Variants in VWA5B1 observed in about 807,000 individuals in gnomAD.
VWA5B1 encodes von Willebrand factor A domain-containing protein 5B1.
In VWA5B1, 115 loss-of-function variants were observed where a neutral mutation model predicts 118.2. The observed-to-expected ratio is 0.97, with a 90% CI of 0.84 to 1.14. The LOEUF (loss-of-function observed/expected upper bound fraction) is 1.14, where lower values mean the gene tolerates loss of function less well. Ranked by LOEUF, VWA5B1 falls within the 50% of genes most tolerant of loss-of-function variation. The pLI is 0.00. For missense variants in VWA5B1, 1,596 were observed against 1,603.8 expected (o/e 1.00, Z 0.08); for synonymous variants, 682 against 658.4 (o/e 1.04, Z -0.55).
At position 20,330,909 on chromosome 1, in the gene VWA5B1, C is replaced by T. The variant is rs1280352592; in HGVS notation, c.1498C>T (p.Leu500=). The change falls in exon 11 of 22, where the codon CTG becomes TTG. Residue 500 remains leucine (L), a synonymous_variant. Transcript: ENST00000289815. ...FGIGPNVCHR[L]VKGLASVSEG... is the part of the protein sequence containing the mutation. ...AATTGGACCCAACGTCTGCCACAGA[C>T]TGGTGAAAGGACTGGCATCTGTGTC... The T allele has an allele frequency of 5.2e-6, 8 of 1,551,618 alleles. No individual in the cohort carries two copies. Among genetic ancestry groups the T allele is most frequent in the Non-Finnish European group, 7.0e-6 (8 of 1,146,994 alleles).
In VWA5B1 at chr1:20,321,314, C is replaced by T. The variant is rs768499032; in HGVS notation, c.966+1808C>T. On this transcript the variant is annotated intron_variant, in intron 7 of 21. Transcript: ENST00000289815. ...GAAGAAAAGCAAATCAGGCCGGGCG[C>T]GGTGGCTTACCCCTGCAATCGCAGC... Among the ~76,000 whole-genome samples, 4 of 152,102 alleles carry T rather than the reference C, an allele frequency of 2.6e-5. No individual in the cohort carries two copies. In the East Asian group the frequency reaches 5.8e-4, roughly 22 times the overall value.
chr1:20,347,451 T>C (rs577125031), intron 17 of VWA5B1, among the ~76,000 whole-genome samples: 3 of 151,926 alleles, frequency 2.0e-5, no homozygotes, highest in Admixed American at 2.0e-4. Flanking sequence ...CTTCTTTTTT[T>C]TTTTCTTTGA....
rs1201448339 is a variant in VWA5B1 at position 20,357,772 on chromosome 1, G to GTAT, written c.*3512_*3514dup. On this transcript the variant is annotated 3_prime_UTR_variant, in exon 22 of 22. Transcript: ENST00000289815. ...TCCTGCCATCTGTGGGTGTGGCCTC[G>GTAT]TATTAGCACTACCTAGGTACCCTTT... is the stretch of plus-strand genomic sequence containing the variant. Among the ~76,000 whole-genome samples, 1 of 152,182 alleles carries GTAT rather than the reference G, an allele frequency of 6.6e-6. No homozygotes were observed. The highest frequency in any genetic ancestry group is 2.4e-5 in the African/African-American group (1 of 41,446).
intron 21 of VWA5B1, among the ~76,000 whole-genome samples, chr1:20,352,560 TC>T (rs1468889135): frequency 6.6e-6 from 1 of 152,148 alleles, no homozygotes; most frequent in African/African-American, 2.4e-5. Context: ...AAAATTAACA[TC>T]CCAGGGACAT....
At chr1:20,307,861 G>T (rs974351975) in intron 1 of VWA5B1, among the ~76,000 whole-genome samples, 1 of 143,632 alleles carries the variant, frequency 7.0e-6, no homozygotes, top group South Asian at 2.1e-4. Flanking sequence ...GCGTGCATGT[G>T]TGTGTATTTT....
chr1:20,310,632 G>C lies in VWA5B1; in HGVS notation c.31G>C (p.Ala11Pro). ...CGGCTTGCTGAATTGGATCACGGGG[G>C]CAGCCCTGCCCCTCACCGCGTCTGA... The part of the protein sequence containing the change: MPGLLNWITG[A>P]ALPLTASDVT... Residue 11 changes from alanine (A) to proline (P), a missense_variant, in exon 2 of 22, where the codon GCA becomes CCA. Coordinates refer to ENST00000289815, the MANE Select transcript of VWA5B1 (RefSeq NM_001039500.3). 6.5e-7 allele frequency: 1 copy of C among 1,546,994 alleles called. No homozygotes were observed. The highest frequency in any genetic ancestry group is 8.7e-7 in the Non-Finnish European group (1 of 1,145,196).
chr1:20,322,949 T>C (rs749965500), intron 7 of VWA5B1, among the ~76,000 whole-genome samples: 1 of 152,140 alleles, frequency 6.6e-6, no homozygotes, highest in East Asian at 1.9e-4. Context: ...CAGAGAGCAG[T>C]ATACACACTG....
intron 1 of VWA5B1, among the ~76,000 whole-genome samples, chr1:20,299,377 G>A (rs181445228): frequency 7.2e-5 from 11 of 152,144 alleles, no homozygotes; most frequent in South Asian, 2.1e-4. Flanking sequence ...TGTGTCCCTC[G>A]TGCTCCAGTT....
intron 1 of VWA5B1, among the ~76,000 whole-genome samples, chr1:20,293,559 C>G (rs2088351577): frequency 6.6e-6 from 1 of 152,210 alleles, no homozygotes. Flanking sequence ...GCTATACAGA[C>G]ACAGGTTTCT....
At position 20,352,053 on chromosome 1, in the gene VWA5B1, A is replaced by G. The variant is rs1463649856; in HGVS notation, c.3024-2A>G. On this transcript the variant is annotated splice_acceptor_variant, in intron 20 of 21. Coordinates refer to ENST00000289815, the MANE Select transcript of VWA5B1 (RefSeq NM_001039500.3). LOFTEE classifies it high-confidence loss of function. ...CAGGGCCACCTGACTTCACCTGCAC[A>G]GGCTAAATCTCAACAAGTCCAGGCT... The G allele has an allele frequency of 1.3e-6, 2 of 1,549,886 alleles. No individual in the cohort carries two copies. Among genetic ancestry groups the G allele is most frequent in the Non-Finnish European group, 1.7e-6 (2 of 1,146,190 alleles).
At chr1:20,301,617 C>A (rs542274904) in intron 1 of VWA5B1, among the ~76,000 whole-genome samples, 26 of 152,294 alleles carry the variant, frequency 1.7e-4, no homozygotes, top group African/African-American at 6.3e-4. Context: ...TGGCTGGATT[C>A]AAAAACAGCT....
chr1:20,318,580 T>C lies in VWA5B1; in HGVS notation c.710-10T>C. The C allele has an allele frequency of 1.9e-6, 3 of 1,551,322 alleles. No homozygotes were observed. Among genetic ancestry groups the C allele is most frequent in the Non-Finnish European group, 2.6e-6 (3 of 1,146,952 alleles). On this transcript the variant is annotated splice_polypyrimidine_tract_variant and intron_variant, in intron 5 of 21. Coordinates refer to ENST00000289815, the MANE Select transcript of VWA5B1 (RefSeq NM_001039500.3). ...AGCCTATATCCCCCTTGCCTTTCTA[T>C]GCCACTCAGGGGTGGAGAGTCCCAC...
At position 20,343,476 on chromosome 1, in the gene VWA5B1, C is replaced by T. The variant is rs1402959151; in HGVS notation, c.2626+83C>T. On this transcript the variant is annotated intron_variant, in intron 16 of 21. Transcript: ENST00000289815. ...CCACAGCCGCTCCCCCTTCCCCACC[C>T]GCCCCCGGTGATCCTCTCAGCCCCG... 5 of 1,441,668 alleles carry T rather than the reference C, an allele frequency of 3.5e-6. No homozygotes were observed. In the East Asian group the frequency reaches 1.3e-4, roughly 36 times the overall value. The allele number at this position is 1,441,668 out of a possible 1,614,324, so 89.3% of individuals were successfully genotyped here.
At chr1:20,315,166 C>T (rs999150779) in intron 4 of VWA5B1, among the ~76,000 whole-genome samples, 1 of 152,162 alleles carries the variant, frequency 6.6e-6, no homozygotes, top group Non-Finnish European at 1.5e-5. Flanking sequence ...GAGAACTGAA[C>T]GATGCGGAGG....
At position 20,343,157 on chromosome 1, in the gene VWA5B1, C is replaced by A. The variant is rs1231206861; in HGVS notation, c.2390C>A (p.Ala797Asp). ...WDPPAESQER[A>D]SPSRPATPAP... Reference sequence around the variant, plus strand: ...CCCCCAGCCGAGTCCCAGGAGCGAGCCAGTCCCAGCAGGCCCGCCACCCCG... The same window carrying A: ...CCCCCAGCCGAGTCCCAGGAGCGAGACAGTCCCAGCAGGCCCGCCACCCCG... Residue 797 changes from alanine (A) to aspartate (D), a missense_variant, in exon 16 of 22, where the codon GCC becomes GAC. Coordinates refer to ENST00000289815, the MANE Select transcript of VWA5B1 (RefSeq NM_001039500.3). 1 of 1,548,510 alleles carries A rather than the reference C, an allele frequency of 6.5e-7. No homozygotes were observed. The highest frequency in any genetic ancestry group is 8.7e-7 in the Non-Finnish European group (1 of 1,145,710).
At chr1:20,330,780 G>C (rs923864506) in intron 10 of VWA5B1, 89 bp from the exon 11 acceptor site, 7 of 1,327,004 alleles carry the variant, frequency 5.3e-6, no homozygotes, top group Middle Eastern at 1.9e-4. Context: ...CCAAGATCCT[G>C]CCAGACCATG....
At chr1:20,333,513 C>A (rs950932336) in intron 12 of VWA5B1, among the ~76,000 whole-genome samples, 1 of 152,212 alleles carries the variant, frequency 6.6e-6, no homozygotes, top group Non-Finnish European at 1.5e-5. Flanking sequence ...AGCTTCCACC[C>A]AGGTCTGTTG....
chr1:20,292,963 A>G (rs1190603955), intron 1 of VWA5B1, among the ~76,000 whole-genome samples: 1 of 152,164 alleles, frequency 6.6e-6, no homozygotes, highest in African/African-American at 2.4e-5. Context: ...GGATTAGGAA[A>G]CTCAGGATCT....
At chr1:20,300,456 G>A (rs2088483745) in intron 1 of VWA5B1, among the ~76,000 whole-genome samples, 1 of 152,140 alleles carries the variant, frequency 6.6e-6, no homozygotes, top group South Asian at 2.1e-4. Context: ...CCCGTGGGAA[G>A]GACCTTCTCC....
Sources: gnomAD v4.1 joint callset for allele counts (sites outside exome capture counted in the v4.1 genomes callset) on GRCh38, gnomAD v4.1.1 for gene constraint, MANE v1.5 for transcripts, NCBI Gene and HGNC (gene_info 2026-07-23, HGNC 2026-07-21) for gene names.